Variants in CNTNAP4 observed in about 807,000 individuals in gnomAD.
CNTNAP4 encodes the protein contactin-associated protein-like 4.
A neutral mutation model predicts 148.4 loss-of-function variants in CNTNAP4; 98 were observed. The ratio of observed to expected loss-of-function variants is 0.66; its 90% confidence interval spans 0.56 to 0.78. The LOEUF (loss-of-function observed/expected upper bound fraction) is 0.78, where lower values mean the gene tolerates loss of function less well. Ranked by LOEUF, CNTNAP4 falls within the 30% of genes least tolerant of loss-of-function variation. CNTNAP4 has a pLI of 0.00. For missense variants in CNTNAP4, 1,935 were observed against 1,565.6 expected (o/e 1.24, Z -3.98); for synonymous variants, 730 against 565.1 (o/e 1.29, Z -4.14).
At chr16:76,344,149 T>C (rs1363486352) in intron 2 of CNTNAP4, among the ~76,000 whole-genome samples, 2 of 152,172 alleles carry the variant, frequency 1.3e-5, no homozygotes, top group African/African-American at 4.8e-5. Context: ...AAAGCCAGCA[T>C]GTATGTATGT....
chr16:76,465,973 GAA>G lies in CNTNAP4; in HGVS notation c.1484-1377_1484-1376del, dbSNP rs1276097655. The stretch of plus-strand genomic sequence containing the variant: ...TCAGTCAAACAATTTAATTACAGTG[GAA>G]ATTCACAAGTAGAAAACTAGTGTGG... On this transcript the variant is annotated intron_variant, in intron 9 of 23. Transcript: ENST00000611870. Among the ~76,000 whole-genome samples, 3 of 152,124 alleles carry G rather than the reference GAA, an allele frequency of 2.0e-5. No homozygotes were observed. The East Asian group carries it at 5.8e-4, about 29-fold the overall frequency.
At chr16:76,395,243 A>G (rs1446826115) in intron 3 of CNTNAP4, among the ~76,000 whole-genome samples, 1 of 150,556 alleles carries the variant, frequency 6.6e-6, no homozygotes, top group Non-Finnish European at 1.5e-5. Flanking sequence ...ATTTTTTTTA[A>G]CTTTACCACT....
At chr16:76,484,991 G>T (rs914186214) in intron 12 of CNTNAP4, among the ~76,000 whole-genome samples, 2 of 152,156 alleles carry the variant, frequency 1.3e-5, no homozygotes, top group Admixed American at 6.5e-5. Context: ...ATTTTGAATG[G>T]ATAATTTCTT....
At chr16:76,328,792 C>A (rs1963248193) in intron 2 of CNTNAP4, among the ~76,000 whole-genome samples, 1 of 152,032 alleles carries the variant, frequency 6.6e-6, no homozygotes, top group Admixed American at 6.6e-5. Flanking sequence ...ACTACAGGCG[C>A]CTGCCACCGC....
At chr16:76,388,369 G>A (rs2016685515) in intron 3 of CNTNAP4, among the ~76,000 whole-genome samples, 1 of 152,178 alleles carries the variant, frequency 6.6e-6, no homozygotes, top group Admixed American at 6.5e-5. Context: ...TCTCCACACA[G>A]CAAAATACCA....
chr16:76,392,895 A>T (rs1052466066), intron 3 of CNTNAP4, among the ~76,000 whole-genome samples: 3 of 152,206 alleles, frequency 2.0e-5, no homozygotes, highest in African/African-American at 7.2e-5. Context: ...GAGGGAAGTC[A>T]AAGTGCTTAC....
chr16:76,419,015 A>T (rs1286551871), intron 3 of CNTNAP4, among the ~76,000 whole-genome samples: 1 of 151,922 alleles, frequency 6.6e-6, no homozygotes, highest in Non-Finnish European at 1.5e-5. Context: ...GTATTATTGC[A>T]CTGGACTCCT....
intron 1 of CNTNAP4, among the ~76,000 whole-genome samples, chr16:76,295,112 A>G (rs972141027): frequency 4.6e-5 from 7 of 152,182 alleles, no homozygotes; most frequent in Non-Finnish European, 1.0e-4. Flanking sequence ...GCAATGAGGG[A>G]GAGGCATACA....
At chr16:76,333,990 G>A (rs549273069) in intron 2 of CNTNAP4, among the ~76,000 whole-genome samples, 41 of 151,540 alleles carry the variant, frequency 2.7e-4, no homozygotes, top group Middle Eastern at 3.4e-3. Context: ...GTTTTGATTT[G>A]CATTTCTCTG....
intron 4 of CNTNAP4, among the ~76,000 whole-genome samples, chr16:76,428,430 T>C (rs926304303): frequency 1.2e-4 from 18 of 151,852 alleles, no homozygotes; most frequent in Non-Finnish European, 1.9e-4. Flanking sequence ...TTTTTTTTTT[T>C]TCTCTAGTAA....
intron 10 of CNTNAP4, among the ~76,000 whole-genome samples, chr16:76,467,909 G>A (rs2081234223): frequency 6.6e-6 from 1 of 152,184 alleles, no homozygotes; most frequent in African/African-American, 2.4e-5. Context: ...TATGTAGTCA[G>A]TTATCAAACT....
At chr16:76,341,204 G>C (rs1208177341) in intron 2 of CNTNAP4, among the ~76,000 whole-genome samples, 1 of 152,104 alleles carries the variant, frequency 6.6e-6, no homozygotes, top group Non-Finnish European at 1.5e-5. Flanking sequence ...TTCATTGAGA[G>C]TCTTTACCTC....
intron 3 of CNTNAP4, among the ~76,000 whole-genome samples, chr16:76,401,475 A>G (rs1012498566): frequency 6.6e-6 from 1 of 152,158 alleles, no homozygotes; most frequent in Admixed American, 6.5e-5. Context: ...TAGATATAGA[A>G]TCATGTCATC....
intron 17 of CNTNAP4, among the ~76,000 whole-genome samples, chr16:76,534,276 A>G (rs2084118834): frequency 6.6e-6 from 1 of 152,242 alleles, no homozygotes; most frequent in Non-Finnish European, 1.5e-5. Flanking sequence ...CTGGATATAC[A>G]GTAGCAATTG....
intron 11 of CNTNAP4, among the ~76,000 whole-genome samples, chr16:76,476,830 G>A (rs1035054392): frequency 6.6e-6 from 1 of 152,048 alleles, no homozygotes; most frequent in East Asian, 1.9e-4. Flanking sequence ...CAACATACAC[G>A]TTTTGAGGGG....
chr16:76,547,382 A>G (rs1170138174), intron 21 of CNTNAP4, among the ~76,000 whole-genome samples: 3 of 152,210 alleles, frequency 2.0e-5, no homozygotes, highest in Non-Finnish European at 2.9e-5. Flanking sequence ...TTTAACACAC[A>G]GTAAAAATGA....
chr16:76,530,764 A>G (rs536505657), intron 17 of CNTNAP4, among the ~76,000 whole-genome samples: 2 of 152,264 alleles, frequency 1.3e-5, no homozygotes, highest in South Asian at 4.1e-4. Flanking sequence ...CCTCCTTTCC[A>G]GGACTTTGCT....
At chr16:76,419,165 C>G (rs1394122424) in intron 3 of CNTNAP4, among the ~76,000 whole-genome samples, 1 of 151,912 alleles carries the variant, frequency 6.6e-6, no homozygotes, top group South Asian at 2.1e-4. Flanking sequence ...TCCCTCCTGC[C>G]AGCTACTGTC....
At chr16:76,338,609 T>C (rs976201854) in intron 2 of CNTNAP4, among the ~76,000 whole-genome samples, 2 of 152,150 alleles carry the variant, frequency 1.3e-5, no homozygotes, top group African/African-American at 4.8e-5. Context: ...TCCATTTCAG[T>C]CCCTCTTGTA....
Sources: gnomAD v4.1 joint callset for allele counts (sites outside exome capture counted in the v4.1 genomes callset) on GRCh38, gnomAD v4.1.1 for gene constraint, MANE v1.5 for transcripts, NCBI Gene and HGNC (gene_info 2026-07-23, HGNC 2026-07-21) for gene names.